Variants in ERP44 observed in about 807,000 individuals in gnomAD.
ERP44 encodes endoplasmic reticulum protein 44.
A neutral mutation model predicts 53.4 loss-of-function variants in ERP44; 25 were observed. The observed-to-expected ratio is 0.47, with a 90% CI of 0.34 to 0.65. ERP44 has a LOEUF of 0.65. Among genes scored for constraint, ERP44 ranks in the 30% least tolerant of loss-of-function variants. ERP44 has a pLI of 0.01. For synonymous variants in ERP44, 145 were observed against 161.2 expected (o/e 0.90, Z 0.76); for missense variants, 338 against 493.2 (o/e 0.69, Z 2.98).
intron 10 of ERP44, among the ~76,000 whole-genome samples, chr9:100,000,541 C>T (rs1003793666): frequency 6.6e-6 from 1 of 150,748 alleles, no homozygotes; most frequent in African/African-American, 2.4e-5. Flanking sequence ...CTTTTCATTA[C>T]TGATTCAATC....
At chr9:99,993,695 C>T (rs974505572) in intron 10 of ERP44, among the ~76,000 whole-genome samples, 1 of 152,056 alleles carries the variant, frequency 6.6e-6, no homozygotes, top group Non-Finnish European at 1.5e-5. Context: ...TTCTGCACAG[C>T]AAAAGAAACT....
chr9:100,066,661 T>A (rs1395287254), intron 1 of ERP44, among the ~76,000 whole-genome samples: 1 of 152,166 alleles, frequency 6.6e-6, no homozygotes, highest in Non-Finnish European at 1.5e-5. Context: ...CCATCTGAAG[T>A]CCCAATGCCC....
intron 1 of ERP44, among the ~76,000 whole-genome samples, chr9:100,073,490 C>T (rs1024964277): frequency 2.0e-5 from 3 of 152,176 alleles, no homozygotes; most frequent in Non-Finnish European, 2.9e-5. Flanking sequence ...CTCCTGACCT[C>T]AGAGTTCTAT....
At chr9:100,031,207 A>T (rs568836799) in intron 4 of ERP44, among the ~76,000 whole-genome samples, 64 of 152,218 alleles carry the variant, frequency 4.2e-4, no homozygotes, top group African/African-American at 1.4e-3. Flanking sequence ...AAAAATGCTG[A>T]AGTTTCCTTC....
intron 4 of ERP44, among the ~76,000 whole-genome samples, chr9:100,044,149 G>A (rs76505725): frequency 0.026 from 3,908 of 152,082 alleles, 69 homozygotes; most frequent in Non-Finnish European, 0.038. Context: ...TTTCATTTTT[G>A]GAAAATAATG....
At chr9:100,088,832 T>G (rs1175800731) in intron 1 of ERP44, among the ~76,000 whole-genome samples, 1 of 152,210 alleles carries the variant, frequency 6.6e-6, no homozygotes, top group African/African-American at 2.4e-5. Flanking sequence ...AAGTTTTCTC[T>G]TTAGTCTATA....
chr9:100,088,410 T>C (rs978781821), intron 1 of ERP44, among the ~76,000 whole-genome samples: 1 of 152,208 alleles, frequency 6.6e-6, no homozygotes, highest in Non-Finnish European at 1.5e-5. Flanking sequence ...AAGGCTCTTC[T>C]TCCAGGAAAT....
intron 1 of ERP44, among the ~76,000 whole-genome samples, chr9:100,081,750 AC>A (rs1826427181): frequency 6.6e-6 from 1 of 152,212 alleles, no homozygotes; most frequent in Admixed American, 6.5e-5. Context: ...TAAATTTAGA[AC>A]AAGACAGGAA....
At chr9:100,094,964 T>G (rs1306633450) in intron 1 of ERP44, among the ~76,000 whole-genome samples, 1 of 143,130 alleles carries the variant, frequency 7.0e-6, no homozygotes, top group Non-Finnish European at 1.5e-5. Flanking sequence ...AGAGCTAGAC[T>G]CTGCCTCAAG....
chr9:100,095,603 T>C (rs892194266), intron 1 of ERP44, among the ~76,000 whole-genome samples: 1 of 152,186 alleles, frequency 6.6e-6, no homozygotes, highest in African/African-American at 2.4e-5. Context: ...GTATGTCACC[T>C]GGGAAATTTT....
In ERP44 at chr9:99,985,011, C is replaced by G. The variant is rs1164458266; in HGVS notation, c.1075G>C (p.Glu359Gln). ...GTTGGGTCAGGTCCATGATGGAATT[C>G]TCTGTGCAGTTTTCCAGAATGTAAG... ...FDLHSGKLHR[E>Q]FHHGPDPTDT... Residue 359 changes from glutamate to glutamine, a missense_variant, in exon 11 of 12, where the codon GAA becomes CAA. Physicochemically the swap from Glu to Gln is conservative, Grantham distance 29. Coordinates refer to ENST00000262455, the MANE Select transcript of ERP44 (RefSeq NM_015051.3). The G allele has an allele frequency of 1.2e-6, 2 of 1,613,752 alleles. No homozygotes were observed. The highest frequency in any genetic ancestry group is 4.5e-5 in the East Asian group (2 of 44,866).
At chr9:99,996,573 TTGGTTACATTAG>T (rs1341355896) in intron 10 of ERP44, among the ~76,000 whole-genome samples, 2 of 152,154 alleles carry the variant, frequency 1.3e-5, no homozygotes, top group Admixed American at 6.5e-5. Flanking sequence ...CAGGTGGTAT[TTGGTTACATTAG>T]TAAGTTCTTT....
intron 1 of ERP44, among the ~76,000 whole-genome samples, chr9:100,095,832 C>G (rs1338078988): frequency 6.6e-6 from 1 of 152,096 alleles, no homozygotes; most frequent in African/African-American, 2.4e-5. Context: ...CTGGAATCTA[C>G]ATATATTATT....
chr9:100,038,343 G>C (rs1476402820), intron 4 of ERP44, among the ~76,000 whole-genome samples: 2 of 151,998 alleles, frequency 1.3e-5, no homozygotes, highest in Non-Finnish European at 2.9e-5. Context: ...ACAACAAAAA[G>C]TTAAAAAGCA....
chr9:100,060,539 A>C (rs1433186689), intron 1 of ERP44, among the ~76,000 whole-genome samples: 2 of 152,222 alleles, frequency 1.3e-5, no homozygotes, highest in Non-Finnish European at 2.9e-5. Flanking sequence ...CATAAAAACC[A>C]AAGCTAAGTC....
rs189194129 is a variant in ERP44, at chr9:100,092,872, G to T, written c.57+5912C>A. Among the ~76,000 whole-genome samples the T allele has an allele frequency of 4.0e-3, 602 of 152,302 alleles. 1 individual carries two copies. Among genetic ancestry groups the T allele is most frequent in the Non-Finnish European group, 7.0e-3 (477 of 68,022 alleles). ...ACTACTGATGAGAGTGTGAGGAAGT[G>T]GGCATAGTCACACACTGTTAGGAAT... On this transcript the variant is annotated intron_variant, in intron 1 of 11. Transcript: ENST00000262455.
In ERP44 at chr9:100,098,935, C is replaced by G; in HGVS notation, c.-95G>C. On this transcript the variant is annotated 5_prime_UTR_variant, in exon 1 of 12. Coordinates refer to ENST00000262455, the MANE Select transcript of ERP44 (RefSeq NM_015051.3). ...GAAAGGGCTGGGCTCCGGGAGCCGA[C>G]GGCAGCGGAGGATTCTCCAGGCAGC... 1.0e-6 allele frequency: 1 copy of G among 971,052 alleles called. No homozygotes were observed. The highest frequency in any genetic ancestry group is 1.6e-6 in the Non-Finnish European group (1 of 626,818). 60.2% of individuals were successfully genotyped at this position (971,052 alleles called of 1,614,324 possible).
At chr9:100,077,478 TG>T (rs1325250575) in intron 1 of ERP44, among the ~76,000 whole-genome samples, 3 of 152,190 alleles carry the variant, frequency 2.0e-5, no homozygotes, top group Non-Finnish European at 4.4e-5. Flanking sequence ...ATCCAATATA[TG>T]GTACTATTTC....
intron 1 of ERP44, among the ~76,000 whole-genome samples, chr9:100,074,522 G>A (rs1474622359): frequency 6.6e-6 from 1 of 152,056 alleles, no homozygotes; most frequent in Non-Finnish European, 1.5e-5. Flanking sequence ...CGAGAATCAT[G>A]GCCCCTCGAT....
Sources: gnomAD v4.1 joint callset for allele counts (sites outside exome capture counted in the v4.1 genomes callset) on GRCh38, gnomAD v4.1.1 for gene constraint, MANE v1.5 for transcripts, NCBI Gene and HGNC (gene_info 2026-07-23, HGNC 2026-07-21) for gene names.